Variants in IFT74 observed in about 807,000 individuals in gnomAD.
IFT74 encodes the protein intraflagellar transport 74.
A neutral mutation model predicts 96.7 loss-of-function variants in IFT74; 92 were observed. That is an observed-to-expected ratio of 0.95 (90% CI 0.80 to 1.13). The LOEUF is 1.13. Ranked by LOEUF, IFT74 falls within the 50% of genes most tolerant of loss-of-function variation. The pLI is 0.00. For synonymous variants in IFT74, 223 were observed against 213.2 expected, an observed-to-expected ratio of 1.05 and a Z score of -0.40; for missense variants, 811 against 698.2, an observed-to-expected ratio of 1.16 and a Z score of -1.82.
At chr9:27,003,641 A>G (rs768417847) in intron 8 of IFT74, among the ~76,000 whole-genome samples, 1 of 152,152 alleles carries the variant, frequency 6.6e-6, no homozygotes, top group African/African-American at 2.4e-5. Flanking sequence ...GTTCTAGTCA[A>G]CTTCCTCATT....
At chr9:26,982,064 G>T (rs931905232) in intron 4 of IFT74, among the ~76,000 whole-genome samples, 2 of 151,730 alleles carry the variant, frequency 1.3e-5, no homozygotes, top group African/African-American at 4.8e-5. Context: ...CACCGCACCT[G>T]GCCAAGAATA....
At position 27,064,449 on chromosome 9, in the gene IFT74, G is replaced by A. The variant is rs1820548929; in HGVS notation, c.*1713G>A. ...GATAAAACAGGTAATAGATTTTGAT[G>A]ACAGTTTGCAGCCCTTCGTTCATTC... On this transcript the variant is annotated 3_prime_UTR_variant, in exon 20 of 20. Coordinates refer to ENST00000380062, the MANE Select transcript of IFT74 (RefSeq NM_025103.4). Among the ~76,000 whole-genome samples, 1 of 152,104 alleles carries A rather than the reference G, an allele frequency of 6.6e-6. No individual in the cohort carries two copies. Among genetic ancestry groups the A allele is most frequent in the Admixed American group, 6.5e-5 (1 of 15,272 alleles).
intron 2 of IFT74, among the ~76,000 whole-genome samples, chr9:26,975,708 C>T (rs977239911): frequency 2.6e-5 from 4 of 152,184 alleles, no homozygotes; most frequent in Non-Finnish European, 5.9e-5. Flanking sequence ...TCCGTCCTTT[C>T]AGAAGCTCAC....
chr9:26,990,474 T>C (rs1827815677), intron 8 of IFT74, among the ~76,000 whole-genome samples: 2 of 152,214 alleles, frequency 1.3e-5, no homozygotes, highest in African/African-American at 2.4e-5. Context: ...CATCTTTATA[T>C]CTACTATTTT....
intron 12 of IFT74, among the ~76,000 whole-genome samples, chr9:27,019,289 A>C (rs534584402): frequency 6.6e-6 from 1 of 152,128 alleles, no homozygotes; most frequent in East Asian, 1.9e-4. Context: ...CAGTCAGCCC[A>C]ATAAAACCCT....
intron 2 of IFT74, among the ~76,000 whole-genome samples, chr9:26,962,500 T>A (rs1587238481): frequency 6.6e-6 from 1 of 152,336 alleles, no homozygotes; most frequent in Non-Finnish European, 1.5e-5. Context: ...AGACCTCAAA[T>A]AGAATCAAGC....
Position 27,060,593 on chromosome 9 carries a change from T to G in IFT74, c.1626T>G (p.Leu542=). The G allele has an allele frequency of 3.1e-6, 5 of 1,588,002 alleles. No individual in the cohort carries two copies. Among genetic ancestry groups the G allele is most frequent in the Non-Finnish European group, 4.3e-6 (5 of 1,163,416 alleles). The change falls in exon 19 of 20, where the codon CTT becomes CTG. Residue 542 remains leucine (L), a splice_region_variant and synonymous_variant. Coordinates refer to ENST00000380062, the MANE Select transcript of IFT74 (RefSeq NM_025103.4). The part of the protein sequence containing the change: ...QLQENETHSQ[L]TNLERKWQHL... ...ATATTTTTCTTTTATGTTTTTAGCT[T>G]ACAAATTTGGAGAGAAAGTGGCAAC... is the stretch of plus-strand genomic sequence containing the variant.
chr9:26,948,448 A>ATTTTTT lies in IFT74; in HGVS notation c.-20+1337_-20+1342dup, dbSNP rs71841244. Among the ~76,000 whole-genome samples, 127 of 59,146 alleles carry ATTTTTT rather than the reference A, an allele frequency of 2.1e-3. 20 individuals carry two copies. Among genetic ancestry groups the ATTTTTT allele is most frequent in the Non-Finnish European group, 3.6e-3 (94 of 26,076 alleles). 38.8% of individuals were successfully genotyped at this position (59,146 alleles called of 152,430 possible). On this transcript the variant is annotated intron_variant, in intron 1 of 19. Transcript: ENST00000433700. ...TGACAACCTGTGATGGCTTTCCATT[A>ATTTTTT]TTTTTTTTTTTTTTTTTTTTTTTTT... is the stretch of plus-strand genomic sequence containing the variant.
intron 8 of IFT74, chr9:26,997,618 G>A (rs780869486): frequency 5.2e-6 from 6 of 1,160,968 alleles, no homozygotes; most frequent in Non-Finnish European, 7.2e-6. Flanking sequence ...ACAGGCATGA[G>A]CCACTGCGCC....
rs2131617530 is a variant in IFT74, at chr9:27,016,918, C to T, written c.801C>T (p.His267=). ...KKESLEAEIA[H]SQVKQEAVLL... is the part of the protein sequence containing the mutation. Reference sequence around the variant, plus strand: ...TTATTTTCCTTTAGGAAATAGCTCACTCCCAGGTGAAACAGGAGGCGGTAT... The same window carrying T: ...TTATTTTCCTTTAGGAAATAGCTCATTCCCAGGTGAAACAGGAGGCGGTAT... The change falls in exon 11 of 20, where the codon CAC becomes CAT. Residue 267 remains histidine, a synonymous_variant. Transcript: ENST00000380062. 6.2e-7 allele frequency: 1 copy of T among 1,604,460 alleles called. No homozygotes were observed. The highest frequency in any genetic ancestry group is 8.5e-7 in the Non-Finnish European group (1 of 1,175,894).
chr9:26,981,127 G>C (rs1335833955), intron 4 of IFT74, among the ~76,000 whole-genome samples: 1 of 152,162 alleles, frequency 6.6e-6, no homozygotes. Context: ...CATGAGGGCA[G>C]AGTCGTCATG....
intron 11 of IFT74, among the ~76,000 whole-genome samples, chr9:27,018,247 T>A (rs988936083): frequency 6.6e-6 from 1 of 152,214 alleles, no homozygotes; most frequent in African/African-American, 2.4e-5. Context: ...GGTACATATA[T>A]CCTCTCAAAG....
chr9:26,960,483 G>A (rs1007984073), intron 1 of IFT74, among the ~76,000 whole-genome samples: 1 of 152,124 alleles, frequency 6.6e-6, no homozygotes, highest in Non-Finnish European at 1.5e-5. Flanking sequence ...TTTTCAGTGA[G>A]CTCTTTTTGT....
upstream of IFT74, among the ~76,000 whole-genome samples, chr9:26,953,356 G>C (rs1825991928): frequency 6.6e-6 from 1 of 152,106 alleles, no homozygotes; most frequent in South Asian, 2.1e-4. Context: ...AGTGTTGTTT[G>C]ATTTTTTTCC....
At chr9:26,982,231 A>T (rs1827412364) in intron 4 of IFT74, 4 of 317,278 alleles carry the variant, frequency 1.3e-5, no homozygotes, top group Admixed American at 8.6e-5. Context: ...GTCAGTTGCT[A>T]CCAATGTGGC....
At chr9:27,000,774 G>A (rs1828439082) in intron 8 of IFT74, among the ~76,000 whole-genome samples, 1 of 152,148 alleles carries the variant, frequency 6.6e-6, no homozygotes, top group African/African-American at 2.4e-5. Flanking sequence ...AACCACCGTG[G>A]CACATGTTTA....
At chr9:27,054,195 T>C (rs1296934211) in intron 16 of IFT74, among the ~76,000 whole-genome samples, 1 of 152,246 alleles carries the variant, frequency 6.6e-6, no homozygotes, top group African/African-American at 2.4e-5. Flanking sequence ...CATATTCATT[T>C]ACTATTCAGT....
At chr9:27,060,754 T>G in intron 19 of IFT74, 103 bp downstream of exon 19, 1 of 671,746 alleles carries the variant, frequency 1.5e-6, no homozygotes, top group Non-Finnish European at 2.5e-6. Flanking sequence ...GTCAGGAGAT[T>G]GAGACCACCC....
chr9:26,947,613 G>C (rs998906295), intron 1 of IFT74: 1 of 152,544 alleles, frequency 6.6e-6, no homozygotes, highest in African/African-American at 2.4e-5. Flanking sequence ...GGTGTCTACT[G>C]TTAGGTCATC....
Sources: gnomAD v4.1 joint callset for allele counts (sites outside exome capture counted in the v4.1 genomes callset) on GRCh38, gnomAD v4.1.1 for gene constraint, MANE v1.5 for transcripts, NCBI Gene and HGNC (gene_info 2026-07-23, HGNC 2026-07-21) for gene names.